Variants in RNF17 observed in about 807,000 individuals in gnomAD.
The protein encoded by RNF17 is spermatogenesis associated 23.
In RNF17, 31 loss-of-function variants were observed where a neutral mutation model predicts 200.5. That is an observed-to-expected ratio of 0.15 (90% CI 0.12 to 0.21). The LOEUF (loss-of-function observed/expected upper bound fraction) is 0.21, where lower values mean the gene tolerates loss of function less well. RNF17 is among the 10% of genes least tolerant of loss of function. The probability of loss-of-function intolerance (pLI) is 1.00; values close to 1 mark genes in which losing one functional copy is unlikely to be tolerated. For missense variants in RNF17, 1,628 were observed against 1,905.1 expected, an observed-to-expected ratio of 0.85 and a Z score of 2.71; for synonymous variants, 606 against 637.8, an observed-to-expected ratio of 0.95 and a Z score of 0.75.
chr13:24,860,750 A>T (rs891567176), intron 26 of RNF17, among the ~76,000 whole-genome samples: 54 of 152,336 alleles, frequency 3.5e-4, no homozygotes, highest in African/African-American at 1.2e-3. Context: ...TTCAAAAAAA[A>T]GTCTGATGGG....
At chr13:24,827,165 C>T (rs974313143) in intron 16 of RNF17, among the ~76,000 whole-genome samples, 1 of 151,976 alleles carries the variant, frequency 6.6e-6, no homozygotes, top group African/African-American at 2.4e-5. Flanking sequence ...CTCCTGACCT[C>T]GAGTGATCTG....
chr13:24,759,111 T>A, the RNF17 span, among the ~76,000 whole-genome samples: 2 of 149,192 alleles, frequency 1.3e-5, no homozygotes, highest in Non-Finnish European at 3.0e-5. Flanking sequence ...AAACAACACT[T>A]ACATTCTAAA....
intron 7 of RNF17, 25 bp from the exon 8 acceptor site, chr13:24,789,323 G>T (rs758011664): frequency 4.1e-6 from 6 of 1,458,128 alleles, no homozygotes; most frequent in South Asian, 2.4e-5. Context: ...ATTCACACAT[G>T]AATGATTTTT....
the RNF17 span, among the ~76,000 whole-genome samples, chr13:24,750,192 T>C: frequency 6.6e-6 from 1 of 152,236 alleles, no homozygotes; most frequent in Non-Finnish European, 1.5e-5. Context: ...AAAAACTACA[T>C]AATTTATAAT....
upstream of RNF17, among the ~76,000 whole-genome samples, chr13:24,761,721 T>C (rs781379945): frequency 1.3e-5 from 2 of 152,224 alleles, no homozygotes; most frequent in Non-Finnish European, 2.9e-5. Flanking sequence ...CTAAATTGAA[T>C]GTTAAGAAGA....
rs978204273 is a variant in RNF17 at position 24,834,229 on chromosome 13, A to C, written c.2482+2251A>C. 2.6e-5 allele frequency among the ~76,000 whole-genome samples: 4 copies of C among 152,100 alleles called. 1 individual carries two copies. Among genetic ancestry groups the C allele is most frequent in the African/African-American group, 7.2e-5 (3 of 41,406 alleles). ...TGAGACCAGCCTGGCCAACATGGTG[A>C]AACCCCATCTCTACTAAAAATAAAA... On this transcript the variant is annotated intron_variant, in intron 18 of 35. Coordinates refer to ENST00000255324, the MANE Select transcript of RNF17 (RefSeq NM_031277.3).
intron 8 of RNF17, 86 bp from the exon 9 acceptor site, chr13:24,789,612 C>A: frequency 1.1e-6 from 1 of 937,904 alleles, no homozygotes; most frequent in Non-Finnish European, 1.7e-6. Context: ...CTTTTCAATT[C>A]ATTAATGTCA....
downstream of RNF17, chr13:24,884,146 G>C: frequency 6.2e-7 from 1 of 1,613,788 alleles, no homozygotes; most frequent in Non-Finnish European, 8.5e-7. Context: ...ATGAGAGGGT[G>C]GAGCAAGTTT....
At chr13:24,811,665 CT>C (rs1181506672) in intron 15 of RNF17, among the ~76,000 whole-genome samples, 10 of 152,198 alleles carry the variant, frequency 6.6e-5, no homozygotes, top group African/African-American at 2.4e-4. Flanking sequence ...CTCCGTCCCG[CT>C]TTGTTCTGTT....
At chr13:24,810,663 T>G (rs1886479945) in intron 15 of RNF17, among the ~76,000 whole-genome samples, 1 of 146,178 alleles carries the variant, frequency 6.8e-6, no homozygotes, top group African/African-American at 2.6e-5. Context: ...TATTGTTATG[T>G]GTGAATTTGA....
At chr13:24,852,326 G>A (rs1349412753) in intron 24 of RNF17, among the ~76,000 whole-genome samples, 1 of 152,044 alleles carries the variant, frequency 6.6e-6, no homozygotes, top group African/African-American at 2.4e-5. Context: ...TTTTAGTAGA[G>A]ACGGGGTTTC....
chr13:24,849,233 A>G (rs1891580659), intron 22 of RNF17, among the ~76,000 whole-genome samples: 2 of 152,202 alleles, frequency 1.3e-5, no homozygotes, highest in African/African-American at 2.4e-5. Flanking sequence ...ACTAGAAACC[A>G]TATTTAGAGA....
intron 7 of RNF17, among the ~76,000 whole-genome samples, chr13:24,788,748 C>G (rs1418791656): frequency 6.6e-6 from 1 of 152,126 alleles, no homozygotes; most frequent in African/African-American, 2.4e-5. Context: ...AGATTAATCA[C>G]AGATCTTTGC....
At chr13:24,855,627 A>AT (rs1421093959) in intron 25 of RNF17, among the ~76,000 whole-genome samples, 1 of 151,066 alleles carries the variant, frequency 6.6e-6, no homozygotes, top group East Asian at 1.9e-4. Flanking sequence ...GTGAGACTCC[A>AT]TTAAAAAAAA....
intron 16 of RNF17, chr13:24,825,979 G>A: frequency 1.0e-6 from 1 of 985,172 alleles, no homozygotes; most frequent in Non-Finnish European, 1.2e-6. Flanking sequence ...TAACCATTGG[G>A]AATCTTGCTG....
intron 6 of RNF17, among the ~76,000 whole-genome samples, chr13:24,782,400 A>G (rs569875010): frequency 1.4e-4 from 22 of 151,856 alleles, no homozygotes; most frequent in African/African-American, 5.3e-4. Context: ...GTCTCACTAC[A>G]TTGTCCATGC....
At chr13:24,835,680 A>G (rs1254348409) in intron 18 of RNF17, among the ~76,000 whole-genome samples, 1 of 152,246 alleles carries the variant, frequency 6.6e-6, no homozygotes, top group African/African-American at 2.4e-5. Context: ...GACAGTCTTC[A>G]GCCCTAGACC....
the RNF17 span, among the ~76,000 whole-genome samples, chr13:24,888,459 A>G: frequency 2.0e-5 from 3 of 152,226 alleles, no homozygotes; most frequent in Non-Finnish European, 4.4e-5. Context: ...GTAAGAAAAC[A>G]TGCTCACAGG....
intron 22 of RNF17, among the ~76,000 whole-genome samples, chr13:24,846,700 TA>T (rs934914277): frequency 1.3e-5 from 2 of 151,942 alleles, no homozygotes; most frequent in Admixed American, 6.6e-5. Context: ...GCTGATGAGC[TA>T]AAAAAAATTG....
Sources: allele counts gnomAD v4.1 joint callset (sites outside exome capture counted in the v4.1 genomes callset), GRCh38; gene constraint gnomAD v4.1.1; transcripts MANE v1.5; gene names NCBI Gene and HGNC (gene_info 2026-07-23, HGNC 2026-07-21).